The following MSN variants were observed in gnomAD, a reference collection of about 807,000 sequenced individuals.
MSN encodes the protein epididymis luminal protein 70.
MSN carries 2 observed loss-of-function variants against 48.0 expected under a neutral mutation model. The observed-to-expected ratio is 0.04, with a 90% CI of 0.02 to 0.13. The LOEUF (loss-of-function observed/expected upper bound fraction) is 0.13. Among genes scored for constraint, MSN ranks in the 10% least tolerant of loss-of-function variants. The pLI, the probability that MSN is intolerant of heterozygous loss-of-function variation, is 1.00. For synonymous variants in MSN, 146 were observed against 166.9 expected (o/e 0.87, Z 0.97); for missense variants, 267 against 470.1 (o/e 0.57, Z 3.99).
intron 1 of MSN, chrX:65,588,835 C>T (rs763386069): frequency 7.2e-6 from 1 of 139,390 alleles, no homozygotes; most frequent in South Asian, 3.6e-4. Flanking sequence ...CTCTCTCTCT[C>T]TCTCTCCTCT....
intron 1 of MSN, among the ~76,000 whole-genome samples, chrX:65,616,027 G>A (rs373354336): frequency 0.021 from 2,356 of 110,621 alleles, 69 homozygotes; most frequent in African/African-American, 0.072. Flanking sequence ...GATATGCGGC[G>A]TTATTTCTGA....
chrX:65,701,592 G>A (rs1278229255), intron 1 of MSN, among the ~76,000 whole-genome samples: 2 of 112,210 alleles, frequency 1.8e-5, no homozygotes, highest in Non-Finnish European at 3.8e-5. Context: ...CAGTAAGCTT[G>A]GGGTGGTGTC....
intron 1 of MSN, among the ~76,000 whole-genome samples, chrX:65,660,104 CAG>C (rs1380755038): frequency 3.6e-5 from 4 of 111,765 alleles, no homozygotes; most frequent in African/African-American, 9.8e-5. Context: ...GCTCTGGAGA[CAG>C]GGGCGTAACT....
intron 1 of MSN, among the ~76,000 whole-genome samples, chrX:65,673,748 C>G (rs1450699105): frequency 8.9e-6 from 1 of 111,940 alleles, no homozygotes. Flanking sequence ...TGTTTTGAAC[C>G]ATGGAACAAC....
intron 1 of MSN, among the ~76,000 whole-genome samples, chrX:65,689,445 C>T (rs1253414779): frequency 2.7e-5 from 3 of 111,307 alleles, no homozygotes; most frequent in African/African-American, 9.8e-5. Context: ...CATTAGAGGC[C>T]GGATGTGGAT....
intron 1 of MSN, among the ~76,000 whole-genome samples, chrX:65,619,029 A>AT (rs1357137752): frequency 1.0e-5 from 1 of 100,414 alleles, no homozygotes; most frequent in Non-Finnish European, 2.0e-5. Flanking sequence ...AATGTTGAAT[A>AT]TTGGCCCCCA....
chrX:65,682,555 G>A (rs777807431), intron 1 of MSN, among the ~76,000 whole-genome samples: 29 of 111,363 alleles, frequency 2.6e-4, no homozygotes, highest in Non-Finnish European at 5.1e-4. Context: ...CATGTATTGA[G>A]GCAGAAGCAG....
intron 1 of MSN, among the ~76,000 whole-genome samples, chrX:65,633,882 G>A (rs1429990089): frequency 8.9e-6 from 1 of 112,181 alleles, no homozygotes; most frequent in East Asian, 2.8e-4. Context: ...AAGAGGCTGT[G>A]TTTCAGAAGA....
chrX:65,716,914 C>T lies in MSN; in HGVS notation c.96+13C>T, dbSNP rs2071472039. 1 of 1,185,062 alleles carries T rather than the reference C, an allele frequency of 8.4e-7. No homozygotes were observed. The highest frequency in any genetic ancestry group is 1.1e-6 in the Non-Finnish European group (1 of 872,156). ...GCTATTTGACCAGGTAAGGCGGAGA[C>T]TCCTTAGCCTCCTCTCCTTCTCTGA... On this transcript the variant is annotated intron_variant, in intron 2 of 12. Coordinates refer to ENST00000360270, the MANE Select transcript of MSN (RefSeq NM_002444.3).
At chrX:65,696,126 C>T (rs1003004731) in intron 1 of MSN, among the ~76,000 whole-genome samples, 6 of 110,706 alleles carry the variant, frequency 5.4e-5, no homozygotes, top group African/African-American at 2.0e-4. Flanking sequence ...CTTTAATTAC[C>T]TCTATCTCTG....
chrX:65,671,816 A>G (rs1402389048), intron 1 of MSN, among the ~76,000 whole-genome samples: 2 of 112,166 alleles, frequency 1.8e-5, no homozygotes, highest in African/African-American at 3.2e-5. Context: ...CTCTCGTGTT[A>G]GGCTTGGAGA....
chrX:65,598,359 G>A (rs1247510763), intron 1 of MSN, among the ~76,000 whole-genome samples: 1 of 109,437 alleles, frequency 9.1e-6, no homozygotes, highest in East Asian at 2.8e-4. Flanking sequence ...GAAACACAGA[G>A]AGAGAAACAG....
intron 1 of MSN, among the ~76,000 whole-genome samples, chrX:65,622,773 A>G (rs2070463692): frequency 9.0e-6 from 1 of 110,996 alleles, no homozygotes; most frequent in Non-Finnish European, 1.9e-5. Flanking sequence ...GGCCTCCCAA[A>G]GTGCTGGGAT....
intron 1 of MSN, among the ~76,000 whole-genome samples, chrX:65,606,499 T>C (rs2070280656): frequency 9.0e-6 from 1 of 111,677 alleles, no homozygotes; most frequent in African/African-American, 3.3e-5. Flanking sequence ...CTCGGCTCAC[T>C]GCAATCTCCA....
At chrX:65,714,273 C>T (rs2071441275) in intron 1 of MSN, among the ~76,000 whole-genome samples, 1 of 111,736 alleles carries the variant, frequency 8.9e-6, no homozygotes, top group African/African-American at 3.3e-5. Context: ...TGCTTCAATG[C>T]ACATGCGCGT....
At chrX:65,651,515 G>T (rs923414530) in intron 1 of MSN, among the ~76,000 whole-genome samples, 2 of 106,309 alleles carry the variant, frequency 1.9e-5, no homozygotes, top group Admixed American at 1.0e-4. Context: ...CTTTTTGTGG[G>T]GGATGTATTC....
At position 65,736,801 on chromosome X, in the gene MSN, G is replaced by C; in HGVS notation, c.966G>C (p.Met322Ile). 1 of 1,167,129 alleles carries C rather than the reference G, an allele frequency of 8.6e-7. No homozygotes were observed. The highest frequency in any genetic ancestry group is 1.1e-6 in the Non-Finnish European group (1 of 872,640). Residue 322 changes from methionine (M) to isoleucine (I), a missense_variant, in exon 9 of 13, where the codon ATG becomes ATC. By Grantham distance (10) the Met-to-Ile change is conservative (BLOSUM62 1). This residue lies in a region of MSN where 58 missense variants were observed against 104.6 expected (regional missense o/e 0.55). Coordinates refer to ENST00000360270, the MANE Select transcript of MSN (RefSeq NM_002444.3). ...ATTTTATCTCCTTCCCTAGTGCTATGCTGGAAAATGAGAAGAAGAAGCGTG... is the reference window on the plus strand; with the variant it reads ...ATTTTATCTCCTTCCCTAGTGCTATCCTGGAAAATGAGAAGAAGAAGCGTG... ...EKHQKQMERAMLENEKKKREM... is the reference protein window; with the variant it reads ...EKHQKQMERAILENEKKKREM...
chrX:65,616,621 T>C, intron 1 of MSN, among the ~76,000 whole-genome samples: 1 of 85,662 alleles, frequency 1.2e-5, no homozygotes, highest in South Asian at 6.8e-4. Context: ...GACAATGGGG[T>C]TTTCTAGATA....
At chrX:65,732,955 G>A (rs1199853922) in intron 6 of MSN, among the ~76,000 whole-genome samples, 2 of 111,017 alleles carry the variant, frequency 1.8e-5, no homozygotes, top group Admixed American at 1.9e-4. Context: ...AGTGGCTCAC[G>A]CCTGTAATCC....
Sources: allele counts gnomAD v4.1 joint callset (sites outside exome capture counted in the v4.1 genomes callset), GRCh38; gene constraint gnomAD v4.1.1; regional missense constraint gnomAD v4.1.1; transcripts MANE v1.5; gene names NCBI Gene and HGNC (gene_info 2026-07-23, HGNC 2026-07-21).